The following FHOD3 variants were observed in gnomAD, a reference collection of about 807,000 sequenced individuals.
FHOD3 encodes the protein formin homology 2 domain containing 3.
FHOD3 carries 90 observed loss-of-function variants against 173.0 expected under a neutral mutation model. The observed-to-expected ratio is 0.52, with a 90% CI of 0.44 to 0.62. The LOEUF is 0.62. Among genes scored for constraint, FHOD3 ranks in the 20% least tolerant of loss-of-function variants. FHOD3 has a pLI of 0.00. For synonymous variants in FHOD3, 828 were observed against 823.0 expected, an observed-to-expected ratio of 1.01 and a Z score of -0.10; for missense variants, 1,945 against 2,034.7, an observed-to-expected ratio of 0.96 and a Z score of 0.85.
intron 17 of FHOD3, among the ~76,000 whole-genome samples, chr18:36,700,883 G>T (rs2039547872): frequency 6.6e-6 from 1 of 152,122 alleles, no homozygotes; most frequent in African/African-American, 2.4e-5. Context: ...CTTCCATTGG[G>T]TGCCCCCTGG....
At chr18:36,706,729 C>T (rs1207671703) in intron 17 of FHOD3, among the ~76,000 whole-genome samples, 4 of 152,220 alleles carry the variant, frequency 2.6e-5, no homozygotes, top group African/African-American at 9.6e-5. Flanking sequence ...AGCCAACTGA[C>T]CCCATGTCCC....
intron 6 of FHOD3, among the ~76,000 whole-genome samples, chr18:36,593,371 G>T (rs549433546): frequency 1.2e-3 from 184 of 152,306 alleles, no homozygotes; most frequent in African/African-American, 4.3e-3. Flanking sequence ...GCTGGAGAGA[G>T]ATGTGGAATT....
chr18:36,756,325 A>AT (rs890969579), intron 25 of FHOD3, among the ~76,000 whole-genome samples: 7 of 151,750 alleles, frequency 4.6e-5, no homozygotes, highest in African/African-American at 9.7e-5. Flanking sequence ...CTAGAGTGTG[A>AT]TTTTTTTTCA....
rs2149671637 is a variant in FHOD3, at chr18:36,708,980, G to A, written c.2237-115G>A. 3.9e-6 allele frequency: 5 copies of A among 1,281,826 alleles called. No homozygotes were observed. The East Asian group carries it at 9.3e-5, about 24-fold the overall frequency. The allele number at this position is 1,281,826 out of a possible 1,614,324, so 79.4% of individuals were successfully genotyped here. On this transcript the variant is annotated intron_variant, in intron 17 of 28. Coordinates refer to ENST00000590592, the MANE Select transcript of FHOD3 (RefSeq NM_001281740.3). ...TAACCAGGGCATAGGTCTCTTGGGGGCCATCTTTGGACATCTGTCCACCAC... is the reference window on the plus strand; with the variant it reads ...TAACCAGGGCATAGGTCTCTTGGGGACCATCTTTGGACATCTGTCCACCAC...
chr18:36,568,691 G>C (rs2058358137), intron 5 of FHOD3, among the ~76,000 whole-genome samples: 1 of 152,186 alleles, frequency 6.6e-6, no homozygotes, highest in Non-Finnish European at 1.5e-5. Context: ...GTCAGAACTT[G>C]TGACTCAAAC....
intron 1 of FHOD3, among the ~76,000 whole-genome samples, chr18:36,304,818 C>T (rs1317659045): frequency 6.6e-6 from 1 of 152,152 alleles, no homozygotes; most frequent in African/African-American, 2.4e-5. Context: ...TGTGAAGTTG[C>T]TAAGGCTATA....
chr18:36,419,023 G>C (rs1020996972), intron 3 of FHOD3, among the ~76,000 whole-genome samples: 2 of 151,952 alleles, frequency 1.3e-5, no homozygotes, highest in African/African-American at 4.8e-5. Context: ...AGTGGGAGGG[G>C]AAGAGTAAAA....
Position 36,372,743 on chromosome 18 carries a change from C to A in FHOD3, c.336C>A (p.Ile112=), listed in dbSNP as rs200738813. ...TGTCTGTGAGGGTCCATGCCTGCAT[C>A]GGTGAGTGACACCTGCCCTCAGGAA... ...TQLSVRVHAC[I]EKLYNSSGRD... Residue 112 remains isoleucine, a splice_region_variant and synonymous_variant, in exon 3 of 29, where the codon ATC becomes ATA. Coordinates refer to ENST00000590592, the MANE Select transcript of FHOD3 (RefSeq NM_001281740.3). 85 of 1,613,484 alleles carry A rather than the reference C, an allele frequency of 5.3e-5. No homozygotes were observed. The highest frequency in any genetic ancestry group is 6.8e-5 in the Non-Finnish European group (80 of 1,179,642).
chr18:36,704,449 C>A (rs2039758897), intron 17 of FHOD3, among the ~76,000 whole-genome samples: 1 of 152,220 alleles, frequency 6.6e-6, no homozygotes, highest in Non-Finnish European at 1.5e-5. Context: ...GTCCTTCCTG[C>A]AGTTCCCCTC....
chr18:36,551,721 C>T (rs2057665023), intron 5 of FHOD3, among the ~76,000 whole-genome samples: 1 of 152,096 alleles, frequency 6.6e-6, no homozygotes, highest in Non-Finnish European at 1.5e-5. Flanking sequence ...ATATGGCTAG[C>T]CAGTTTTCCC....
chr18:36,468,873 AC>A (rs1568312446), intron 3 of FHOD3, among the ~76,000 whole-genome samples: 1 of 152,162 alleles, frequency 6.6e-6, no homozygotes, highest in African/African-American at 2.4e-5. Context: ...TGGTAATCCC[AC>A]CGACAGACAC....
chr18:36,768,524 T>A (rs2043236958), intron 27 of FHOD3, among the ~76,000 whole-genome samples: 1 of 152,212 alleles, frequency 6.6e-6, no homozygotes, highest in Non-Finnish European at 1.5e-5. Context: ...AACAAATCCC[T>A]CTGTATACTG....
intron 1 of FHOD3, among the ~76,000 whole-genome samples, chr18:36,339,405 C>T (rs554978404): frequency 1.8e-4 from 27 of 152,282 alleles, no homozygotes; most frequent in African/African-American, 6.0e-4. Context: ...GGGTGTGTAA[C>T]GAGTGTAGTT....
intron 3 of FHOD3, among the ~76,000 whole-genome samples, chr18:36,465,807 G>T (rs1011891459): frequency 6.6e-6 from 1 of 152,032 alleles, no homozygotes; most frequent in Non-Finnish European, 1.5e-5. Flanking sequence ...TGCCATGAGG[G>T]TCATGGCAGA....
At chr18:36,532,527 C>G (rs1193697597) in intron 5 of FHOD3, among the ~76,000 whole-genome samples, 1 of 152,206 alleles carries the variant, frequency 6.6e-6, no homozygotes, top group East Asian at 1.9e-4. Context: ...GAGGGAGCTT[C>G]TGGTTTCCTT....
intron 3 of FHOD3, among the ~76,000 whole-genome samples, chr18:36,399,939 T>G (rs2048727006): frequency 1.3e-5 from 2 of 152,200 alleles, no homozygotes; most frequent in Non-Finnish European, 2.9e-5. Context: ...AATTTGACTT[T>G]GCTCCTTCTG....
intron 5 of FHOD3, among the ~76,000 whole-genome samples, chr18:36,532,332 T>C (rs561539899): frequency 1.3e-5 from 2 of 152,292 alleles, no homozygotes; most frequent in African/African-American, 4.8e-5. Context: ...CCAGGACCCA[T>C]ACGCTCCTCT....
intron 17 of FHOD3, among the ~76,000 whole-genome samples, chr18:36,701,512 G>A (rs995446435): frequency 1.3e-5 from 2 of 152,178 alleles, no homozygotes; most frequent in African/African-American, 4.8e-5. Flanking sequence ...AGAGTGGGAA[G>A]TGGAAATTCT....
chr18:36,501,582 C>A (rs534374571), intron 3 of FHOD3, among the ~76,000 whole-genome samples: 1 of 152,210 alleles, frequency 6.6e-6, no homozygotes, highest in Non-Finnish European at 1.5e-5. Flanking sequence ...CTGCAAACAG[C>A]TGGAAATAGA....
Sources: allele counts gnomAD v4.1 joint callset (sites outside exome capture counted in the v4.1 genomes callset), GRCh38; gene constraint gnomAD v4.1.1; transcripts MANE v1.5; gene names NCBI Gene and HGNC (gene_info 2026-07-23, HGNC 2026-07-21).